RBFOX1: variants seen among roughly 807,000 people sequenced by gnomAD.
The protein encoded by RBFOX1 is RNA binding fox-1 homolog 1, also known as RNA binding protein fox-1 homolog 1.
Under a neutral mutation model 57.7 loss-of-function variants are expected in RBFOX1, and 8 were observed. The ratio of observed to expected loss-of-function variants is 0.14; its 90% CI spans 0.08 to 0.25. RBFOX1 has a LOEUF of 0.25. Ranked by LOEUF, RBFOX1 falls within the 10% of genes least tolerant of loss-of-function variation. The pLI, the probability that RBFOX1 is intolerant of heterozygous loss-of-function variation, is 1.00. For missense variants in RBFOX1, 611 were observed against 548.5 expected (o/e 1.11, Z -1.14); for synonymous variants, 326 against 222.4 (o/e 1.47, Z -4.15).
intron 1 of RBFOX1, among the ~76,000 whole-genome samples, chr16:6,088,481 C>T (rs981342381): frequency 6.6e-6 from 1 of 151,868 alleles, no homozygotes; most frequent in South Asian, 2.1e-4. Flanking sequence ...ACCATTCAAC[C>T]ATCCATGCAT....
chr16:5,501,318 C>CAAAAAAAAAAAAAAAA (rs1160788118), intron 2 of RBFOX1, among the ~76,000 whole-genome samples: 25 of 64,872 alleles, frequency 3.9e-4, no homozygotes, highest in Non-Finnish European at 5.2e-4. Context: ...ACTCTGTCTA[C>CAAAAAAAAAAAAAAAA]AAAAAAAAAA....
At chr16:5,652,244 T>C (rs1054907503) in intron 3 of RBFOX1, among the ~76,000 whole-genome samples, 1 of 152,222 alleles carries the variant, frequency 6.6e-6, no homozygotes, top group Non-Finnish European at 1.5e-5. Context: ...ATATATTTGA[T>C]TTTATTTACT....
At chr16:5,680,074 G>T (rs1422542543) in intron 3 of RBFOX1, among the ~76,000 whole-genome samples, 1 of 152,294 alleles carries the variant, frequency 6.6e-6, no homozygotes, top group South Asian at 2.1e-4. Context: ...TTGATTTAAT[G>T]GACAGAAGTT....
intron 5 of RBFOX1, among the ~76,000 whole-genome samples, chr16:7,566,305 C>T (rs1249885238): frequency 6.6e-6 from 1 of 152,042 alleles, no homozygotes; most frequent in Non-Finnish European, 1.5e-5. Flanking sequence ...CCTCATTCAC[C>T]CACCTCACTG....
chr16:7,402,747 G>A (rs1269817006), intron 4 of RBFOX1, among the ~76,000 whole-genome samples: 1 of 152,108 alleles, frequency 6.6e-6, no homozygotes, highest in Non-Finnish European at 1.5e-5. Context: ...GAGAAGAAGG[G>A]TGCCCCCCTC....
At chr16:7,146,254 A>G (rs1248644290) in intron 4 of RBFOX1, among the ~76,000 whole-genome samples, 1 of 152,128 alleles carries the variant, frequency 6.6e-6, no homozygotes, top group Non-Finnish European at 1.5e-5. Flanking sequence ...AGCAGATGCC[A>G]CGTATTGAAA....
At chr16:5,388,561 T>C (rs2066316590) in intron 1 of RBFOX1, among the ~76,000 whole-genome samples, 1 of 151,926 alleles carries the variant, frequency 6.6e-6, no homozygotes, top group Admixed American at 6.6e-5. Context: ...TGTGTGTTTC[T>C]GTGTGTGTGT....
Position 6,324,603 on chromosome 16 carries a change from A to T in RBFOX1, c.-64+7546A>T, listed in dbSNP as rs191098758. Among the ~76,000 whole-genome samples, 3 of 152,320 alleles carry T rather than the reference A, an allele frequency of 2.0e-5. No homozygotes were observed. The East Asian group carries it at 5.8e-4, about 29-fold the overall frequency. On this transcript the variant is annotated intron_variant, in intron 2 of 15. Coordinates refer to ENST00000550418, the MANE Select transcript of RBFOX1 (RefSeq NM_018723.4). Reference sequence around the variant, plus strand: ...ACAACTCATTCATTGCTGCAAGGACAGTGCCAATGGGATGTTACTAAACTG... The same window carrying T: ...ACAACTCATTCATTGCTGCAAGGACTGTGCCAATGGGATGTTACTAAACTG...
chr16:5,706,581 A>G (rs1217891395), intron 3 of RBFOX1, among the ~76,000 whole-genome samples: 4 of 152,216 alleles, frequency 2.6e-5, no homozygotes, highest in Non-Finnish European at 4.4e-5. Context: ...AAATGTGTAC[A>G]GGAATGTTTG....
intron 4 of RBFOX1, among the ~76,000 whole-genome samples, chr16:7,229,210 C>T (rs1287856811): frequency 6.6e-6 from 1 of 152,198 alleles, no homozygotes; most frequent in Non-Finnish European, 1.5e-5. Flanking sequence ...TTAAACATTG[C>T]AGTGTCCCAG....
chr16:7,537,221 G>C (rs1300898022), intron 5 of RBFOX1, among the ~76,000 whole-genome samples: 3 of 152,230 alleles, frequency 2.0e-5, no homozygotes, highest in Admixed American at 6.5e-5. Flanking sequence ...GAGAGATGTT[G>C]ATAGGAACTA....
At chr16:5,848,778 C>G (rs2056817719) in intron 3 of RBFOX1, among the ~76,000 whole-genome samples, 1 of 151,918 alleles carries the variant, frequency 6.6e-6, no homozygotes, top group South Asian at 2.1e-4. Flanking sequence ...GAAACCCCGT[C>G]TCTAATAAAA....
Position 7,002,870 on chromosome 16 carries a change from C to G in RBFOX1, c.-15-49187C>G, listed in dbSNP as rs574170731. 1.9e-3 allele frequency among the ~76,000 whole-genome samples: 284 copies of G among 152,268 alleles called. 4 individuals carry two copies. Among genetic ancestry groups the G allele is most frequent in the Non-Finnish European group, 3.4e-3 (228 of 68,026 alleles). The stretch of plus-strand genomic sequence containing the variant: ...GAGTTTCTCTCAACATCCCGATACA[C>G]TCAGCGTGTTAAGATAAGGCTAGAA... On this transcript the variant is annotated intron_variant, in intron 3 of 15. Coordinates refer to ENST00000550418, the MANE Select transcript of RBFOX1 (RefSeq NM_018723.4).
chr16:5,289,457 AAT>A, intron 1 of RBFOX1: 1 of 227,314 alleles, frequency 4.4e-6, no homozygotes, highest in South Asian at 1.4e-4. Context: ...GTGAAGCCTT[AAT>A]ATAAAAAGAA....
chr16:6,470,059 G>C (rs1330711019), intron 2 of RBFOX1, among the ~76,000 whole-genome samples: 2 of 152,146 alleles, frequency 1.3e-5, no homozygotes, highest in East Asian at 1.9e-4. Context: ...TATCTACTTT[G>C]TGCCTGATAG....
intron 4 of RBFOX1, among the ~76,000 whole-genome samples, chr16:7,402,348 A>G (rs1262851298): frequency 6.6e-6 from 1 of 152,222 alleles, no homozygotes; most frequent in Non-Finnish European, 1.5e-5. Context: ...CCTGAACTCC[A>G]TTATCAATCT....
chr16:5,643,017 C>A lies in RBFOX1; in HGVS notation c.318+44056C>A, dbSNP rs767020041. ...GCACGACTTCCTGGAGCCCTTGCAG[C>A]AGGTCAGAAGTTTATGTCCTCACCT... On this transcript the variant is annotated intron_variant, in intron 3 of 19. Coordinates refer to the RBFOX1 transcript ENST00000641259. Among the ~76,000 whole-genome samples the A allele has an allele frequency of 5.1e-4, 77 of 152,288 alleles. 1 individual carries two copies. Among genetic ancestry groups the A allele is most frequent in the Middle Eastern group, 3.4e-3 (1 of 294 alleles).
chr16:5,259,356 C>T (rs1249525511), intron 1 of RBFOX1, among the ~76,000 whole-genome samples: 1 of 152,178 alleles, frequency 6.6e-6, no homozygotes, highest in Non-Finnish European at 1.5e-5. Flanking sequence ...AAGCTCCCAG[C>T]TGATCTCATG....
intron 11 of RBFOX1, among the ~76,000 whole-genome samples, chr16:7,650,372 A>G (rs899986003): frequency 8.0e-5 from 12 of 150,394 alleles, no homozygotes; most frequent in Non-Finnish European, 1.5e-4. Context: ...TATTTAAGCC[A>G]GGAATTGATT....
Sources: gnomAD v4.1 joint callset for allele counts (sites outside exome capture counted in the v4.1 genomes callset) on GRCh38, gnomAD v4.1.1 for gene constraint, MANE v1.5 for transcripts, NCBI Gene and HGNC (gene_info 2026-07-23, HGNC 2026-07-21) for gene names.